SATB1: variants seen among roughly 807,000 people sequenced by gnomAD.
The protein encoded by SATB1 is SATB homeobox 1.
Under a neutral mutation model 86.9 loss-of-function variants are expected in SATB1, and 11 were observed. That is an observed-to-expected ratio of 0.13 (90% CI 0.08 to 0.21). SATB1 has a LOEUF of 0.21. Among genes scored for constraint, SATB1 ranks in the 10% least tolerant of loss-of-function variants. The probability of loss-of-function intolerance (pLI) is 1.00; values close to 1 mark genes in which losing one functional copy is unlikely to be tolerated. For synonymous variants in SATB1, 357 were observed against 357.2 expected (o/e 1.00, Z 0.01); for missense variants, 551 against 937.6 (o/e 0.59, Z 5.39).
chr3:18,393,163 C>T (rs1323477346), intron 7 of SATB1, among the ~76,000 whole-genome samples: 1 of 151,754 alleles, frequency 6.6e-6, no homozygotes, highest in African/African-American at 2.4e-5. Context: ...TTCTCATAAT[C>T]ATAATCATGT....
chr3:18,383,430 A>G (rs1261365695), intron 8 of SATB1, among the ~76,000 whole-genome samples: 2 of 152,280 alleles, frequency 1.3e-5, no homozygotes, highest in Non-Finnish European at 2.9e-5. Flanking sequence ...CCAGGCCTTA[A>G]TGGGGGCTGG....
intron 5 of SATB1, chr3:18,409,579 T>C (rs562597835): frequency 2.6e-5 from 4 of 152,090 alleles, no homozygotes; most frequent in South Asian, 2.1e-4. Flanking sequence ...ATTACAGTAA[T>C]ACAATTGCTG....
At chr3:18,440,752 G>A (rs1281197834), upstream of SATB1, among the ~76,000 whole-genome samples, 1 of 152,042 alleles carries the variant, frequency 6.6e-6, no homozygotes, top group African/African-American at 2.4e-5. Flanking sequence ...ACTCTGTTCT[G>A]TCAAAATGTA....
intron 9 of SATB1, among the ~76,000 whole-genome samples, chr3:18,357,273 A>C (rs1388884098): frequency 6.6e-6 from 1 of 151,874 alleles, no homozygotes; most frequent in Non-Finnish European, 1.5e-5. Context: ...CAAACATTTT[A>C]GTGGAAAGCA....
At chr3:18,440,993 A>AGCACCT (rs1699229141), upstream of SATB1, among the ~76,000 whole-genome samples, 1 of 152,226 alleles carries the variant, frequency 6.6e-6, no homozygotes, top group Admixed American at 6.5e-5. Flanking sequence ...GTTAATTAAA[A>AGCACCT]GCACCTGGCA....
chr3:18,349,348 T>C lies in SATB1; in HGVS notation c.2114A>G (p.Lys705Arg), dbSNP rs754996837. The change falls in exon 11 of 11, where the codon AAA becomes AGA. Residue 705 changes from lysine to arginine, a missense_variant. Physicochemically the swap from Lys to Arg is conservative, Grantham distance 26. Around this residue, in one of 8 missense-constraint regions of SATB1, gnomAD observed 33 missense variants for 85.4 expected, o/e 0.39. Transcript: ENST00000338745. This position sits in a 1 kb window ranked among gnomAD's most constrained non-coding sequence, Gnocchi z 5.5. ...CTCTAAACCGGAATTGTCCTTCAGT[T>C]TGCCGTGGTGCTTGAGATAGTACCG... ...NQRYYLKHHG[K>R]LKDNSGLEVD... The C allele has an allele frequency of 1.2e-6, 2 of 1,614,224 alleles. No homozygotes were observed. The highest frequency in any genetic ancestry group is 3.3e-5 in the Admixed American group (2 of 60,028).
intron 9 of SATB1, among the ~76,000 whole-genome samples, chr3:18,355,852 G>A (rs1694604888): frequency 6.6e-6 from 1 of 151,776 alleles, no homozygotes; most frequent in African/African-American, 2.4e-5. Flanking sequence ...AAACTAAAAT[G>A]GTACAAGGAA....
chr3:18,412,983 A>C (rs774013527), intron 5 of SATB1, among the ~76,000 whole-genome samples: 1 of 152,096 alleles, frequency 6.6e-6, no homozygotes, highest in Non-Finnish European at 1.5e-5. Flanking sequence ...TTTCACTCCT[A>C]AACTATGCAT....
intron 5 of SATB1, 112 bp from the exon 6 acceptor site, chr3:18,397,402 A>G (rs1251862860): frequency 1.5e-6 from 1 of 673,282 alleles, no homozygotes; most frequent in East Asian, 2.6e-5. Flanking sequence ...GTACCAATAC[A>G]TTTTGGTTTC....
rs1370124402 is a variant in SATB1, at chr3:18,416,949, G to A, written c.341C>T (p.Ala114Val). 1.2e-6 allele frequency: 2 copies of A among 1,613,574 alleles called. No homozygotes were observed. The highest frequency in any genetic ancestry group is 1.7e-5 in the Admixed American group (1 of 59,974). Reference sequence around the variant, plus strand: ...ATGTGAATAACCTAGAGACAGCAATGCCATTTCGATCAGCTGGTTGAAAAG... The same window carrying A: ...ATGTGAATAACCTAGAGACAGCAATACCATTTCGATCAGCTGGTTGAAAAG... The part of the protein sequence containing the change: ...DMLFNQLIEM[A>V]LLSLGYSHSS... Residue 114 changes from alanine (A) to valine (V), a missense_variant, in exon 3 of 11, where the codon GCA becomes GTA. Around this residue, in one of 8 missense-constraint regions of SATB1, gnomAD observed 153 missense variants for 258.1 expected, o/e 0.59. Coordinates refer to ENST00000338745, the MANE Select transcript of SATB1 (RefSeq NM_002971.6).
chr3:18,367,820 T>G (rs1246425905), intron 9 of SATB1, among the ~76,000 whole-genome samples: 1 of 152,096 alleles, frequency 6.6e-6, no homozygotes, highest in South Asian at 2.1e-4. Context: ...CATGAAAAAC[T>G]GGGGGATAAT....
rs750613140 is a variant in SATB1, at chr3:18,416,981, C to T, written c.309G>A (p.Lys103=). ...CGATCAGCTGGTTGAAAAGCATATCCTTTCTCACCAGCACAAATTCTGCAT... is the reference window on the plus strand; with the variant it reads ...CGATCAGCTGGTTGAAAAGCATATCTTTTCTCACCAGCACAAATTCTGCAT... ...EEHAEFVLVR[K]DMLFNQLIEM... is the part of the protein sequence containing the mutation. The change falls in exon 3 of 11, where the codon AAG becomes AAA. Residue 103 remains lysine, a synonymous_variant. Coordinates refer to ENST00000338745, the MANE Select transcript of SATB1 (RefSeq NM_002971.6). 5 of 1,613,668 alleles carry T rather than the reference C, an allele frequency of 3.1e-6. No homozygotes were observed. The South Asian group carries it at 3.3e-5, about 11-fold the overall frequency.
At chr3:18,415,289 G>C (rs1698053020) in intron 4 of SATB1, 55 bp from the exon 5 acceptor site, 1 of 1,601,774 alleles carries the variant, frequency 6.2e-7, no homozygotes, top group Non-Finnish European at 8.5e-7. Context: ...TCCCGCTGCA[G>C]AACATTCCTT....
At chr3:18,360,576 C>G (rs1694860531) in intron 9 of SATB1, among the ~76,000 whole-genome samples, 1 of 151,796 alleles carries the variant, frequency 6.6e-6, no homozygotes, top group Non-Finnish European at 1.5e-5. Context: ...AAGACACGCT[C>G]AAGCACTTCT....
intron 9 of SATB1, among the ~76,000 whole-genome samples, chr3:18,365,494 C>T (rs1200114650): frequency 6.6e-6 from 1 of 152,080 alleles, no homozygotes; most frequent in African/African-American, 2.4e-5. Context: ...TGCTAGGAAA[C>T]TAGCAGTGAT....
rs535756794 is a variant in SATB1 at position 18,348,602 on chromosome 3, A to T, written c.*568T>A. The T allele has an allele frequency of 6.6e-6, 1 of 152,654 alleles. No individual in the cohort carries two copies. The highest frequency in any genetic ancestry group is 1.5e-5 in the Non-Finnish European group (1 of 68,038). 9.5% of individuals were successfully genotyped at this position (152,654 alleles called of 1,614,324 possible). The stretch of plus-strand genomic sequence containing the variant: ...AAAGTACAGTGAACTTTTATTTCCA[A>T]AATAAAAACAAATTTGAATTACGGC... On this transcript the variant is annotated 3_prime_UTR_variant, in exon 11 of 11. Coordinates refer to ENST00000338745, the MANE Select transcript of SATB1 (RefSeq NM_002971.6).
upstream of SATB1, among the ~76,000 whole-genome samples, chr3:18,441,673 G>C (rs1699247452): frequency 6.6e-6 from 1 of 152,070 alleles, no homozygotes; most frequent in Non-Finnish European, 1.5e-5. Flanking sequence ...TATCCATGTT[G>C]TGTTTAGCTT....
rs1460710660 is a variant in SATB1 at position 18,394,531 on chromosome 3, T to C, written c.1137A>G (p.Val379=). Reference sequence around the variant, plus strand: ...TTCCTGCTCGTTTCAGTTCATCGCGTACCCACTGGTAGATTTCGGAAGACA... The same window carrying C: ...TTCCTGCTCGTTTCAGTTCATCGCGCACCCACTGGTAGATTTCGGAAGACA... The part of the protein sequence containing the change: ...TEVSSEIYQW[V]RDELKRAGIS... Residue 379 remains valine, a synonymous_variant, in exon 7 of 11, where the codon GTA becomes GTG. Coordinates refer to ENST00000338745, the MANE Select transcript of SATB1 (RefSeq NM_002971.6). The surrounding 1 kb of genome is among the most constrained non-coding windows in gnomAD (Gnocchi z 5.9). The C allele has an allele frequency of 6.2e-7, 1 of 1,614,060 alleles. No homozygotes were observed. The highest frequency in any genetic ancestry group is 8.5e-7 in the Non-Finnish European group (1 of 1,180,022).
At chr3:18,358,912 T>C (rs535216362) in intron 9 of SATB1, among the ~76,000 whole-genome samples, 27 of 152,082 alleles carry the variant, frequency 1.8e-4, no homozygotes, top group Non-Finnish European at 3.4e-4. Flanking sequence ...AAAATGGCTA[T>C]CAGAAAATTT....
Sources: gnomAD v4.1 joint callset for allele counts (sites outside exome capture counted in the v4.1 genomes callset) on GRCh38, gnomAD v4.1.1 for gene constraint, gnomAD v4.1.1 regional missense constraint, Gnocchi (gnomAD v3.1) non-coding constraint, MANE v1.5 for transcripts, NCBI Gene and HGNC (gene_info 2026-07-23, HGNC 2026-07-21) for gene names.